The following LRP1B variants were observed in gnomAD, a reference collection of about 807,000 sequenced individuals.
LRP1B encodes the protein low-density lipoprotein receptor-related protein 1B.
Under a neutral mutation model 556.6 loss-of-function variants are expected in LRP1B, and 217 were observed. The observed-to-expected ratio is 0.39, with a 90% CI of 0.35 to 0.44. The LOEUF (loss-of-function observed/expected upper bound fraction) is 0.44, where lower values mean the gene tolerates loss of function less well. Ranked by LOEUF, LRP1B falls within the 20% of genes least tolerant of loss-of-function variation. The pLI is 1.00. For missense variants in LRP1B, 5,053 were observed against 5,620.8 expected (o/e 0.90, Z 3.23); for synonymous variants, 2,047 against 1,865.8 (o/e 1.10, Z -2.50).
At chr2:141,775,476 A>G (rs1353477239) in intron 2 of LRP1B, among the ~76,000 whole-genome samples, 1 of 152,188 alleles carries the variant, frequency 6.6e-6, no homozygotes, top group Non-Finnish European at 1.5e-5. Flanking sequence ...TTTGACATGT[A>G]TTCATTGTTC....
chr2:141,976,659 TG>T (rs1366920538), intron 1 of LRP1B, among the ~76,000 whole-genome samples: 1 of 152,130 alleles, frequency 6.6e-6, no homozygotes, highest in Non-Finnish European at 1.5e-5. Flanking sequence ...CACTACCTCC[TG>T]TACTCCAACC....
chr2:140,280,756 T>C (rs1682881204), intron 84 of LRP1B, among the ~76,000 whole-genome samples: 1 of 151,800 alleles, frequency 6.6e-6, no homozygotes, highest in Non-Finnish European at 1.5e-5. Context: ...CTCATAAGTT[T>C]TGAGCATTTT....
intron 7 of LRP1B, among the ~76,000 whole-genome samples, chr2:141,098,006 G>C (rs1574071036): frequency 6.6e-6 from 1 of 152,106 alleles, no homozygotes; most frequent in East Asian, 1.9e-4. Flanking sequence ...GCCTCAAGCA[G>C]ACAATACAGC....
intron 2 of LRP1B, among the ~76,000 whole-genome samples, chr2:141,749,906 G>A (rs1025788400): frequency 6.6e-6 from 1 of 152,162 alleles, no homozygotes; most frequent in African/African-American, 2.4e-5. Flanking sequence ...GAACCAGGAA[G>A]TAGTTAGGTG....
intron 1 of LRP1B, among the ~76,000 whole-genome samples, chr2:142,087,043 G>A (rs1190618299): frequency 6.6e-6 from 1 of 150,858 alleles, no homozygotes; most frequent in Non-Finnish European, 1.5e-5. Flanking sequence ...TGATGATAAA[G>A]GTCAGTTCCC....
rs1236678352 is a variant in LRP1B at position 140,529,022 on chromosome 2, G to A, written c.7763-2672C>T. Among the ~76,000 whole-genome samples the A allele has an allele frequency of 2.0e-5, 3 of 152,078 alleles. No individual in the cohort carries two copies. In the East Asian group the frequency reaches 5.8e-4, roughly 29 times the overall value. ...TCCTCGGGCTAAGAGTCCTGATAAA[G>A]AGAGAAAATGAAATAATAGGGTCCA... is the stretch of plus-strand genomic sequence containing the variant. On this transcript the variant is annotated intron_variant, in intron 47 of 90. Transcript: ENST00000389484.
chr2:141,483,505 A>G (rs1173062844), intron 2 of LRP1B, among the ~76,000 whole-genome samples: 2 of 133,774 alleles, frequency 1.5e-5, no homozygotes, highest in Admixed American at 7.7e-5. Flanking sequence ...TTCAAATGGT[A>G]TTTCTAGTTC....
intron 2 of LRP1B, among the ~76,000 whole-genome samples, chr2:141,669,877 C>T (rs1005438894): frequency 5.3e-5 from 8 of 152,158 alleles, no homozygotes; most frequent in Admixed American, 3.9e-4. Context: ...GCCTCAGCCT[C>T]CTGAGTAGCT....
chr2:141,136,299 G>C (rs893251894), intron 7 of LRP1B, among the ~76,000 whole-genome samples: 8 of 151,758 alleles, frequency 5.3e-5, no homozygotes, highest in Non-Finnish European at 4.4e-5. Flanking sequence ...AAGGAACTTA[G>C]CACCTCTTGA....
At chr2:140,343,545 T>C (rs1681502227) in intron 77 of LRP1B, among the ~76,000 whole-genome samples, 1 of 151,538 alleles carries the variant, frequency 6.6e-6, no homozygotes, top group Non-Finnish European at 1.5e-5. Context: ...ATACTATGAG[T>C]GCAATCATTA....
chr2:141,644,259 T>TG (rs1689464706), intron 2 of LRP1B, among the ~76,000 whole-genome samples: 1 of 151,956 alleles, frequency 6.6e-6, no homozygotes, highest in African/African-American at 2.4e-5. Flanking sequence ...AATTGAAGCA[T>TG]GGGGCAGGTC....
At chr2:141,376,473 T>G (rs1689441442) in intron 3 of LRP1B, among the ~76,000 whole-genome samples, 1 of 152,124 alleles carries the variant, frequency 6.6e-6, no homozygotes, top group African/African-American at 2.4e-5. Flanking sequence ...TATTATTCTC[T>G]CCTAGACAAT....
intron 1 of LRP1B, among the ~76,000 whole-genome samples, chr2:141,940,067 T>G (rs1191084612): frequency 6.6e-6 from 1 of 152,056 alleles, no homozygotes; most frequent in Non-Finnish European, 1.5e-5. Flanking sequence ...CTGACTATAA[T>G]GCAAATCTGA....
intron 79 of LRP1B, among the ~76,000 whole-genome samples, chr2:140,327,999 G>A (rs960269666): frequency 1.3e-5 from 2 of 151,916 alleles, no homozygotes; most frequent in Non-Finnish European, 2.9e-5. Flanking sequence ...AAATTAAAAA[G>A]TTAATAAAGG....
chr2:140,769,508 G>A (rs115639951), intron 34 of LRP1B, among the ~76,000 whole-genome samples, 164 bp from the exon 35 acceptor site: 2,269 of 151,978 alleles, frequency 0.015, 51 homozygotes, highest in African/African-American at 0.052. Flanking sequence ...CCTGACTAAC[G>A]AAAGGTAGGT....
chr2:141,379,474 C>T (rs1026521111), intron 3 of LRP1B, among the ~76,000 whole-genome samples: 1 of 152,162 alleles, frequency 6.6e-6, no homozygotes, highest in African/African-American at 2.4e-5. Context: ...GTTCAATTTC[C>T]TGTGCAAGAA....
intron 2 of LRP1B, among the ~76,000 whole-genome samples, chr2:141,616,000 C>T (rs1030002438): frequency 6.6e-6 from 1 of 152,080 alleles, no homozygotes; most frequent in African/African-American, 2.4e-5. Flanking sequence ...AAAAAAAATG[C>T]TGGCTGGGCA....
At chr2:140,451,092 C>G (rs1467795526) in intron 62 of LRP1B, among the ~76,000 whole-genome samples, 1 of 152,126 alleles carries the variant, frequency 6.6e-6, no homozygotes, top group Non-Finnish European at 1.5e-5. Context: ...TAGGTACATG[C>G]CACCTCGCCC....
intron 86 of LRP1B, among the ~76,000 whole-genome samples, chr2:140,268,235 G>A (rs1573710931): frequency 6.6e-6 from 1 of 151,848 alleles, no homozygotes; most frequent in Non-Finnish European, 1.5e-5. Flanking sequence ...TGAATCTATT[G>A]TTCTCTTCAT....
Sources: gnomAD v4.1 joint callset for allele counts (sites outside exome capture counted in the v4.1 genomes callset) on GRCh38, gnomAD v4.1.1 for gene constraint, MANE v1.5 for transcripts, NCBI Gene and HGNC (gene_info 2026-07-23, HGNC 2026-07-21) for gene names.